PDE8B: variants seen among roughly 807,000 people sequenced by gnomAD.
PDE8B encodes high affinity cAMP-specific and IBMX-insensitive 3',5'-cyclic phosphodiesterase 8B.
PDE8B carries 26 observed loss-of-function variants against 101.3 expected under a neutral mutation model. The ratio of observed to expected loss-of-function variants is 0.26; its 90% CI spans 0.19 to 0.36. The LOEUF (loss-of-function observed/expected upper bound fraction) is 0.36. PDE8B is among the 10% of genes least tolerant of loss of function. PDE8B has a pLI of 1.00. For synonymous variants in PDE8B, 424 were observed against 429.3 expected (o/e 0.99, Z 0.15); for missense variants, 810 against 1,163.1 (o/e 0.70, Z 4.42).
chr5:77,145,846 C>G, the PDE8B span: 1 of 152,208 alleles, frequency 6.6e-6, no homozygotes, highest in African/African-American at 2.4e-5. Flanking sequence ...AACTACTCAG[C>G]TGCAAACATG....
At chr5:77,404,420 G>A (rs532280671) in intron 11 of PDE8B, among the ~76,000 whole-genome samples, 150 of 152,246 alleles carry the variant, frequency 9.9e-4, no homozygotes, top group African/African-American at 3.4e-3. Context: ...GAGGCCCTGC[G>A]CCCGGCCTAA....
Position 77,231,104 on chromosome 5 carries a change from T to C in PDE8B, c.339+19840T>C, listed in dbSNP as rs143101495. ...GGTGCATGGAGTCATGCAGTGTGTG[T>C]TGGTACTTGATATTTGTTTTGGTAG... On this transcript the variant is annotated intron_variant, in intron 1 of 21. Coordinates refer to ENST00000264917, the MANE Select transcript of PDE8B (RefSeq NM_003719.5). 3.6e-3 allele frequency among the ~76,000 whole-genome samples: 554 copies of C among 152,354 alleles called. 2 individuals are homozygous for C. The highest frequency in any genetic ancestry group is 0.012 in the African/African-American group (513 of 41,578).
At chr5:77,358,284 A>T in intron 10 of PDE8B, 1 of 173,574 alleles carries the variant, frequency 5.8e-6, no homozygotes, top group Non-Finnish European at 1.1e-5. Context: ...ACATGCTTTT[A>T]AATAGTGTGG....
the PDE8B span, among the ~76,000 whole-genome samples, chr5:77,109,927 GTTTT>G: frequency 9.6e-3 from 642 of 67,098 alleles, no homozygotes; most frequent in African/African-American, 0.032. Flanking sequence ...TTGTATTTCA[GTTTT>G]TTTTTTTTTT....
chr5:77,315,813 A>G (rs1311339277), intron 2 of PDE8B, among the ~76,000 whole-genome samples: 2 of 152,102 alleles, frequency 1.3e-5, no homozygotes, highest in Non-Finnish European at 2.9e-5. Flanking sequence ...TCCTACTTTA[A>G]CCTTTTCCCT....
In PDE8B at chr5:77,338,485, C is replaced by G. The variant is rs1778588486; in HGVS notation, c.797+1170C>G. Reference sequence around the variant, plus strand: ...TGGGAAATCAGATATTTTGGGACTTCAGGTATTTTTAACAGCCCTTGGTAA... The same window carrying G: ...TGGGAAATCAGATATTTTGGGACTTGAGGTATTTTTAACAGCCCTTGGTAA... On this transcript the variant is annotated intron_variant, in intron 6 of 21. Coordinates refer to ENST00000264917, the MANE Select transcript of PDE8B (RefSeq NM_003719.5). Among the ~76,000 whole-genome samples, 3 of 152,090 alleles carry G rather than the reference C, an allele frequency of 2.0e-5. No homozygotes were observed. In the South Asian group the frequency reaches 6.2e-4, roughly 32 times the overall value.
chr5:77,092,222 T>G, the PDE8B span, among the ~76,000 whole-genome samples: 1 of 152,212 alleles, frequency 6.6e-6, no homozygotes, highest in Non-Finnish European at 1.5e-5. Flanking sequence ...GCTTAAATTT[T>G]CTTAAATTTT....
At chr5:77,260,157 C>CAAAAAAAAAAAAAAGAAAAA (rs1760188037) in intron 1 of PDE8B, among the ~76,000 whole-genome samples, 1 of 100,982 alleles carries the variant, frequency 9.9e-6, no homozygotes, top group South Asian at 3.3e-4. Flanking sequence ...AACTCCATCA[C>CAAAAAAAAAAAAAAGAAAAA]AAAAAAAAAA....
At chr5:77,378,522 C>A (rs1229471196) in intron 10 of PDE8B, among the ~76,000 whole-genome samples, 1 of 143,796 alleles carries the variant, frequency 7.0e-6, no homozygotes, top group Non-Finnish European at 1.5e-5. Flanking sequence ...AACCTATGGT[C>A]TTTTCACTTT....
Position 77,407,364 on chromosome 5 carries a change from T to C in PDE8B, c.1289-17T>C. 1.2e-6 allele frequency: 2 copies of C among 1,611,392 alleles called. No homozygotes were observed. Among genetic ancestry groups the C allele is most frequent in the Non-Finnish European group, 1.7e-6 (2 of 1,177,532 alleles). On this transcript the variant is annotated splice_polypyrimidine_tract_variant and intron_variant, in intron 12 of 21. Transcript: ENST00000264917. The stretch of plus-strand genomic sequence containing the variant: ...GAGCCACCGGAACTGGACACAGCTT[T>C]CTTGCCTTCTCTCCAGCACCAAGCC...
rs781150302 is a variant in PDE8B at position 77,210,939 on chromosome 5, C to G, written c.14C>G (p.Pro5Arg). The G allele has an allele frequency of 2.0e-6, 3 of 1,498,188 alleles. No homozygotes were observed. Among genetic ancestry groups the G allele is most frequent in the Non-Finnish European group, 2.7e-6 (3 of 1,131,214 alleles). The allele number at this position is 1,498,188 out of a possible 1,614,324, so 92.8% of individuals were successfully genotyped here. MGCA[P>R]SIHVSQSGVI... ...CCCGGCCGAGGGATGGGCTGCGCCC[C>G]CAGCATCCATGTCTCGCAGAGCGGC... The change falls in exon 1 of 22, where the codon CCC becomes CGC. Residue 5 changes from proline to arginine, a missense_variant. Transcript: ENST00000264917. This position sits in a 1 kb window ranked among gnomAD's most constrained non-coding sequence, Gnocchi z 4.9.
chr5:77,271,512 G>A (rs944001802), intron 1 of PDE8B, among the ~76,000 whole-genome samples: 2 of 152,260 alleles, frequency 1.3e-5, no homozygotes, highest in Non-Finnish European at 2.9e-5. Flanking sequence ...AATGAAGAAG[G>A]TAGTGACTGA....
chr5:77,362,081 G>A (rs1783200415), intron 10 of PDE8B, among the ~76,000 whole-genome samples: 1 of 152,124 alleles, frequency 6.6e-6, no homozygotes, highest in Non-Finnish European at 1.5e-5. Context: ...TAAACATTAG[G>A]CCTTATGGTC....
chr5:77,231,619 A>G (rs1753581015), intron 1 of PDE8B, among the ~76,000 whole-genome samples: 1 of 152,228 alleles, frequency 6.6e-6, no homozygotes, highest in Non-Finnish European at 1.5e-5. Flanking sequence ...GCAGTTGTCA[A>G]AGTTGCATCA....
At chr5:77,263,990 A>G (rs886169243) in intron 1 of PDE8B, among the ~76,000 whole-genome samples, 4 of 152,150 alleles carry the variant, frequency 2.6e-5, no homozygotes, top group Admixed American at 6.6e-5. Flanking sequence ...TTCTATCTCT[A>G]TAATTTGCCT....
At chr5:77,260,350 T>A (rs1273796496) in intron 1 of PDE8B, among the ~76,000 whole-genome samples, 1 of 152,090 alleles carries the variant, frequency 6.6e-6, no homozygotes. Context: ...AGTTTACCAT[T>A]TGGTTGGGAA....
At chr5:77,338,071 A>G (rs1051287686) in intron 6 of PDE8B, among the ~76,000 whole-genome samples, 2 of 152,212 alleles carry the variant, frequency 1.3e-5, no homozygotes, top group Non-Finnish European at 2.9e-5. Flanking sequence ...CCCGTGGGCC[A>G]CTGCGGGGCC....
At position 77,210,803 on chromosome 5, in the gene PDE8B, C is replaced by T; in HGVS notation, c.-123C>T. 1.0e-6 allele frequency: 1 copy of T among 984,086 alleles called. No individual in the cohort carries two copies. Among genetic ancestry groups the T allele is most frequent in the Non-Finnish European group, 1.2e-6 (1 of 830,654 alleles). 61.0% of individuals were successfully genotyped at this position (984,086 alleles called of 1,614,324 possible). A position where few individuals can be genotyped will look rare whatever the true frequency, so the allele number is the denominator to read the frequency against. ...CCAGCCCGACGGAGCGGCGGACACA[C>T]AGGCCGGGGGGCGCGCAGTCCGGGC... On this transcript the variant is annotated 5_prime_UTR_variant, in exon 1 of 22. Coordinates refer to ENST00000264917, the MANE Select transcript of PDE8B (RefSeq NM_003719.5). The surrounding 1 kb of genome is among the most constrained non-coding windows in gnomAD (Gnocchi z 4.9).
intron 1 of PDE8B, among the ~76,000 whole-genome samples, chr5:77,280,233 C>A: frequency 6.6e-6 from 1 of 152,252 alleles, no homozygotes; most frequent in East Asian, 1.9e-4. Context: ...GAAGAGCTCC[C>A]GGAGCCTGTG....
Sources: gnomAD v4.1 joint callset for allele counts (sites outside exome capture counted in the v4.1 genomes callset) on GRCh38, gnomAD v4.1.1 for gene constraint, Gnocchi (gnomAD v3.1) non-coding constraint, MANE v1.5 for transcripts, NCBI Gene and HGNC (gene_info 2026-07-23, HGNC 2026-07-21) for gene names.